ESYT2: variants seen among roughly 807,000 people sequenced by gnomAD.
ESYT2 encodes the protein extended synaptotagmin 2.
Under a neutral mutation model 107.2 loss-of-function variants are expected in ESYT2, and 54 were observed. The observed-to-expected ratio is 0.50, with a 90% CI of 0.40 to 0.63. The LOEUF (loss-of-function observed/expected upper bound fraction) is 0.63, where lower values mean the gene tolerates loss of function less well. Ranked by LOEUF, ESYT2 falls within the 30% of genes least tolerant of loss-of-function variation. The pLI, the probability that ESYT2 is intolerant of heterozygous loss-of-function variation, is 0.00. For synonymous variants in ESYT2, 491 were observed against 434.1 expected (o/e 1.13, Z -1.63); for missense variants, 1,020 against 1,094.5 (o/e 0.93, Z 0.96).
intron 16 of ESYT2, 62 bp from the exon 17 acceptor site, chr7:158,743,740 G>A (rs778962761): frequency 5.5e-5 from 84 of 1,528,994 alleles, no homozygotes; most frequent in African/African-American, 1.4e-4. Flanking sequence ...ACCTTTCTAC[G>A]TTGTCTACGC....
chr7:158,742,016 T>A (rs35420830), intron 17 of ESYT2, 120 bp from the exon 18 acceptor site: 201,518 of 1,143,784 alleles, frequency 0.18, 21,547 homozygotes, highest in East Asian at 0.55. Flanking sequence ...CAAAAAAAAA[T>A]TTTTTTTTAA....
At chr7:158,758,631 TG>T (rs1837851152) in intron 13 of ESYT2, among the ~76,000 whole-genome samples, 1 of 152,160 alleles carries the variant, frequency 6.6e-6, no homozygotes, top group South Asian at 2.1e-4. Context: ...CTGCACCGCG[TG>T]GCAGCAGTCT....
intron 11 of ESYT2, among the ~76,000 whole-genome samples, chr7:158,760,576 C>T (rs1837926721): frequency 6.6e-6 from 1 of 152,196 alleles, no homozygotes; most frequent in South Asian, 2.1e-4. Flanking sequence ...CTGCCTCAGC[C>T]TCCCCAGCAG....
intron 6 of ESYT2, among the ~76,000 whole-genome samples, chr7:158,775,033 T>C (rs1405784774): frequency 6.6e-6 from 1 of 152,174 alleles, no homozygotes; most frequent in East Asian, 1.9e-4. Context: ...TATACAGGCA[T>C]GCCTCGGAGA....
In ESYT2 at chr7:158,806,109, C is replaced by T. The variant is rs113112628; in HGVS notation, c.331-7037G>A. On this transcript the variant is annotated intron_variant, in intron 1 of 22. Coordinates refer to ENST00000275418, the MANE Select transcript of ESYT2 (RefSeq NM_001367773.1). Reference sequence around the variant, plus strand: ...GCGCCGGGGCACACCGCGTGGGAGGCGCCGGGGCACACCGCGTGGGAGGTG... The same window carrying T: ...GCGCCGGGGCACACCGCGTGGGAGGTGCCGGGGCACACCGCGTGGGAGGTG... Among the ~76,000 whole-genome samples the T allele has an allele frequency of 5.4e-5, 8 of 147,294 alleles. No homozygotes were observed. In the East Asian group the frequency reaches 5.9e-4, roughly 11 times the overall value.
At chr7:158,819,951 C>A (rs1466841472) in intron 1 of ESYT2, among the ~76,000 whole-genome samples, 1 of 152,094 alleles carries the variant, frequency 6.6e-6, no homozygotes, top group Admixed American at 6.5e-5. Context: ...ATCACTAATT[C>A]CAGCACGCAA....
In ESYT2 at chr7:158,795,326, G is replaced by T. The variant is rs188236492; in HGVS notation, c.508-1600C>A. Among the ~76,000 whole-genome samples the T allele has an allele frequency of 3.9e-5, 6 of 152,330 alleles. No homozygotes were observed. The East Asian group carries it at 9.6e-4, about 24-fold the overall frequency. On this transcript the variant is annotated intron_variant, in intron 3 of 22. Transcript: ENST00000275418. ...TCTTAATACTCTTGCTATTCTCCAA[G>T]GATTTCCTTATTCAGCTGGTATCAA... is the stretch of plus-strand genomic sequence containing the variant.
intron 6 of ESYT2, among the ~76,000 whole-genome samples, chr7:158,782,113 A>G (rs1838869820): frequency 6.9e-6 from 1 of 145,422 alleles, no homozygotes; most frequent in East Asian, 2.1e-4. Context: ...ACAAAGTGTG[A>G]GGTGTGAGTG....
intron 1 of ESYT2, among the ~76,000 whole-genome samples, chr7:158,809,601 A>T (rs1188026923): frequency 6.6e-6 from 1 of 152,146 alleles, no homozygotes; most frequent in East Asian, 1.9e-4. Flanking sequence ...ATTATGAGTT[A>T]GAGAAATACA....
In ESYT2 at chr7:158,773,520, A is replaced by G. The variant is rs1584826809; in HGVS notation, c.748-124T>C. On this transcript the variant is annotated intron_variant, in intron 6 of 22. Transcript: ENST00000275418. ...TACACAACACAGACCCACACCCTTCATCCTTCGTAATATACCAAGGACATT... is the reference window on the plus strand; with the variant it reads ...TACACAACACAGACCCACACCCTTCGTCCTTCGTAATATACCAAGGACATT... 4.1e-5 allele frequency: 34 copies of G among 832,556 alleles called. No individual in the cohort carries two copies. In the South Asian group the frequency reaches 5.1e-4, roughly 12 times the overall value. The allele number at this position is 832,556 out of a possible 1,614,324, so 51.6% of individuals were successfully genotyped here.
intron 1 of ESYT2, among the ~76,000 whole-genome samples, chr7:158,809,794 A>C (rs1297513573): frequency 6.6e-6 from 1 of 152,208 alleles, no homozygotes; most frequent in African/African-American, 2.4e-5. Flanking sequence ...TTGGCCAATC[A>C]CAGGCAGCCA....
intron 19 of ESYT2, among the ~76,000 whole-genome samples, chr7:158,738,134 T>G (rs2129471193): frequency 6.6e-6 from 1 of 151,832 alleles, no homozygotes; most frequent in East Asian, 2.0e-4. Flanking sequence ...GCCAACATGG[T>G]GAAACCCCGT....
intron 6 of ESYT2, among the ~76,000 whole-genome samples, chr7:158,781,255 G>A (rs997557422): frequency 6.6e-6 from 1 of 151,758 alleles, no homozygotes; most frequent in East Asian, 1.9e-4. Flanking sequence ...GAGAACCAGT[G>A]TGAGTGAACA....
chr7:158,756,056 C>G (rs1350062543), intron 13 of ESYT2, among the ~76,000 whole-genome samples: 1 of 152,182 alleles, frequency 6.6e-6, no homozygotes, highest in Non-Finnish European at 1.5e-5. Context: ...AATACCTGCT[C>G]TTCAAGTTTT....
At chr7:158,769,164 C>T (rs1328508095) in intron 7 of ESYT2, among the ~76,000 whole-genome samples, 1 of 152,166 alleles carries the variant, frequency 6.6e-6, no homozygotes, top group African/African-American at 2.4e-5. Context: ...GTGTGATGAC[C>T]CAGCACCTCA....
rs774490589 is a variant in ESYT2 at position 158,793,626 on chromosome 7, C to T, written c.584+24G>A. On this transcript the variant is annotated intron_variant, in intron 4 of 22. Transcript: ENST00000275418. ...ACATTACACGCCATTAACCATAACACAAATATAACAAATAAAAACTTACCT... is the reference window on the plus strand; with the variant it reads ...ACATTACACGCCATTAACCATAACATAAATATAACAAATAAAAACTTACCT... 7.7e-6 allele frequency: 12 copies of T among 1,553,378 alleles called. No homozygotes were observed. The East Asian group carries it at 1.1e-4, about 15-fold the overall frequency.
chr7:158,800,054 A>ATT (rs34029280), intron 1 of ESYT2, among the ~76,000 whole-genome samples: 3,136 of 145,300 alleles, frequency 0.022, 78 homozygotes, highest in African/African-American at 0.059. Context: ...TGGCCTCTTA[A>ATT]TTTTTTTTTT....
At chr7:158,811,906 T>C (rs1360701583) in intron 1 of ESYT2, among the ~76,000 whole-genome samples, 1 of 152,222 alleles carries the variant, frequency 6.6e-6, no homozygotes, top group Non-Finnish European at 1.5e-5. Context: ...GCTAAATTCC[T>C]AAGCTACCCA....
In ESYT2 at chr7:158,792,256, G is replaced by T. The variant is rs937307226; in HGVS notation, c.584+1394C>A. ...TTAATTCCTTCCCCTGGGTGCAGTCGCTCACGCCTGTGATCCCAGAGCTTC... is the reference window on the plus strand; with the variant it reads ...TTAATTCCTTCCCCTGGGTGCAGTCTCTCACGCCTGTGATCCCAGAGCTTC... On this transcript the variant is annotated intron_variant, in intron 4 of 22. Transcript: ENST00000275418. Among the ~76,000 whole-genome samples the T allele has an allele frequency of 2.7e-5, 4 of 148,252 alleles. No individual in the cohort carries two copies. The Admixed American group carries it at 2.7e-4, about 10-fold the overall frequency.
Sources: allele counts gnomAD v4.1 joint callset (sites outside exome capture counted in the v4.1 genomes callset), GRCh38; gene constraint gnomAD v4.1.1; transcripts MANE v1.5; gene names NCBI Gene and HGNC (gene_info 2026-07-23, HGNC 2026-07-21).